Variants in DCC observed in about 807,000 individuals in gnomAD.
DCC encodes the protein DCC netrin 1 receptor.
In DCC, 58 loss-of-function variants were observed where a neutral mutation model predicts 172.5. The ratio of observed to expected loss-of-function variants is 0.34; its 90% CI spans 0.27 to 0.42. DCC has a LOEUF of 0.42. Among genes scored for constraint, DCC ranks in the 10% least tolerant of loss-of-function variants. The pLI is 1.00. For synonymous variants in DCC, 709 were observed against 644.5 expected (o/e 1.10, Z -1.52); for missense variants, 1,740 against 1,791.0 (o/e 0.97, Z 0.51).
At chr18:53,342,896 T>G (rs189770349) in intron 15 of DCC, among the ~76,000 whole-genome samples, 12 of 148,582 alleles carry the variant, frequency 8.1e-5, no homozygotes, top group Non-Finnish European at 1.3e-4. Context: ...TAAATAGAAC[T>G]GTTTTTAAAA....
intron 7 of DCC, among the ~76,000 whole-genome samples, chr18:53,073,484 C>G (rs2042683380): frequency 6.6e-6 from 1 of 152,114 alleles, no homozygotes; most frequent in African/African-American, 2.4e-5. Context: ...CGAGATAGCA[C>G]CACTGCACTC....
intron 5 of DCC, among the ~76,000 whole-genome samples, chr18:52,956,978 A>G (rs544327875): frequency 6.6e-6 from 1 of 152,244 alleles, no homozygotes; most frequent in South Asian, 2.1e-4. Context: ...ATTGCTTTGA[A>G]TCTCTTGCAA....
chr18:53,524,701 G>C (rs918584296), intron 27 of DCC, among the ~76,000 whole-genome samples: 1 of 151,878 alleles, frequency 6.6e-6, no homozygotes, highest in African/African-American at 2.4e-5. Flanking sequence ...TATAGTCCTT[G>C]AACTAGATTT....
chr18:52,844,419 T>C (rs960087560), intron 2 of DCC, among the ~76,000 whole-genome samples: 2 of 152,304 alleles, frequency 1.3e-5, no homozygotes, highest in African/African-American at 2.4e-5. Flanking sequence ...AAATCATCTT[T>C]ACCTTGGTCT....
At chr18:52,976,460 A>T (rs956728590) in intron 5 of DCC, among the ~76,000 whole-genome samples, 1 of 151,914 alleles carries the variant, frequency 6.6e-6, no homozygotes, top group Non-Finnish European at 1.5e-5. Context: ...AGGTTGTAGG[A>T]CCCCACTCGT....
intron 12 of DCC, among the ~76,000 whole-genome samples, chr18:53,226,948 A>ATATATATTTTTTTTTTT: frequency 1.1e-4 from 6 of 52,952 alleles, no homozygotes; most frequent in African/African-American, 4.7e-4. Flanking sequence ...ATATATATAT[A>ATATATATTTTTTTTTTT]TTTTTTTTTT....
chr18:53,293,478 T>A (rs2057029196), intron 12 of DCC, among the ~76,000 whole-genome samples: 1 of 152,166 alleles, frequency 6.6e-6, no homozygotes, highest in Admixed American at 6.5e-5. Context: ...GTTTTTTAAA[T>A]TTTTATTTTA....
chr18:52,856,847 G>C (rs564167849), intron 2 of DCC, among the ~76,000 whole-genome samples: 8 of 152,114 alleles, frequency 5.3e-5, no homozygotes, highest in South Asian at 4.1e-4. Flanking sequence ...CTCCATGTAC[G>C]CACCAGAGTT....
chr18:52,994,298 TCCA>T (rs2145627792), intron 5 of DCC, among the ~76,000 whole-genome samples: 1 of 151,968 alleles, frequency 6.6e-6, no homozygotes, highest in African/African-American at 2.4e-5. Flanking sequence ...TCTCAAAATT[TCCA>T]CCAATTTAGG....
At chr18:53,268,450 A>T (rs1319972402) in intron 12 of DCC, among the ~76,000 whole-genome samples, 2 of 152,198 alleles carry the variant, frequency 1.3e-5, no homozygotes, top group African/African-American at 2.4e-5. Context: ...AAAATTAAGA[A>T]ATATTTTTTC....
chr18:53,471,079 C>T (rs2045690170), intron 25 of DCC, among the ~76,000 whole-genome samples: 1 of 152,162 alleles, frequency 6.6e-6, no homozygotes, highest in African/African-American at 2.4e-5. Context: ...ATCCAAGCTA[C>T]CATCATCTCT....
chr18:52,752,494 A>G, intron 2 of DCC, 120 bp downstream of exon 2: 1 of 775,268 alleles, frequency 1.3e-6, no homozygotes, highest in Non-Finnish European at 2.2e-6. Context: ...TTTAAATTTT[A>G]AGTTGACAAG....
chr18:52,459,621 C>G (rs1223357437), intron 1 of DCC, among the ~76,000 whole-genome samples: 1 of 151,990 alleles, frequency 6.6e-6, no homozygotes. Flanking sequence ...GTGCCCGCCA[C>G]CACGCCCGGC....
chr18:52,521,186 T>C (rs1157149669), intron 1 of DCC, among the ~76,000 whole-genome samples: 2 of 152,190 alleles, frequency 1.3e-5, no homozygotes, highest in African/African-American at 4.8e-5. Context: ...GAATTTTTTT[T>C]TGAGATTTAA....
rs568188105 is a variant in DCC at position 53,092,101 on chromosome 18, G to C, written c.1261+25935G>C. 2.6e-5 allele frequency among the ~76,000 whole-genome samples: 4 copies of C among 152,046 alleles called. No homozygotes were observed. In the South Asian group the frequency reaches 8.3e-4, roughly 32 times the overall value. ...CTATAGAATAACATGTTCATTTTTT[G>C]TGTTCATTTTCGTCACATAAATTGA... On this transcript the variant is annotated intron_variant, in intron 7 of 28. Transcript: ENST00000442544.
At chr18:52,408,650 A>G (rs1268038585) in intron 1 of DCC, among the ~76,000 whole-genome samples, 4 of 152,128 alleles carry the variant, frequency 2.6e-5, no homozygotes, top group African/African-American at 9.7e-5. Flanking sequence ...TATTCCTCTG[A>G]AGCATCAAGC....
Position 53,486,665 on chromosome 18 carries a change from A to G in DCC, c.3737-132A>G, listed in dbSNP as rs758389595. On this transcript the variant is annotated intron_variant, in intron 25 of 28. Transcript: ENST00000442544. ...AAAGTGGGATTGGTGGAGAGAGGTA[A>G]GTAAGGGAACCTAGTTGATACTATG... The G allele has an allele frequency of 1.8e-5, 21 of 1,197,608 alleles. No homozygotes were observed. The African/African-American group carries it at 1.8e-4, about 10-fold the overall frequency. 74.2% of individuals were successfully genotyped at this position (1,197,608 alleles called of 1,614,324 possible).
chr18:52,565,180 G>C (rs575216651), intron 1 of DCC, among the ~76,000 whole-genome samples: 1 of 152,088 alleles, frequency 6.6e-6, no homozygotes, highest in East Asian at 1.9e-4. Context: ...CCCTGTCTCT[G>C]TTCTATTTGA....
intron 5 of DCC, among the ~76,000 whole-genome samples, chr18:53,053,134 C>T (rs1219023939): frequency 6.6e-6 from 1 of 152,082 alleles, no homozygotes; most frequent in East Asian, 1.9e-4. Context: ...CAGAGCAAGA[C>T]TCCATCTCAA....
Sources: gnomAD v4.1 joint callset for allele counts (sites outside exome capture counted in the v4.1 genomes callset) on GRCh38, gnomAD v4.1.1 for gene constraint, MANE v1.5 for transcripts, NCBI Gene and HGNC (gene_info 2026-07-23, HGNC 2026-07-21) for gene names.